CSMD1: variants seen among roughly 807,000 people sequenced by gnomAD.
CSMD1 encodes CUB and sushi domain-containing protein 1.
CSMD1 carries 213 observed loss-of-function variants against 417.5 expected under a neutral mutation model. That is an observed-to-expected ratio of 0.51 (90% CI 0.46 to 0.57). CSMD1 has a LOEUF of 0.57. Among genes scored for constraint, CSMD1 ranks in the 20% least tolerant of loss-of-function variants. CSMD1 has a pLI of 0.00. For missense variants in CSMD1, 6,923 were observed against 4,529.7 expected, an observed-to-expected ratio of 1.53 and a Z score of -15.17; for synonymous variants, 2,862 against 1,736.8, an observed-to-expected ratio of 1.65 and a Z score of -16.11.
intron 3 of CSMD1, among the ~76,000 whole-genome samples, chr8:4,059,103 C>T (rs942589763): frequency 6.6e-6 from 1 of 152,156 alleles, no homozygotes; most frequent in Non-Finnish European, 1.5e-5. Context: ...TCTCAGACCA[C>T]AGTGCAATCA....
At chr8:4,291,169 T>C (rs530693136) in intron 3 of CSMD1, among the ~76,000 whole-genome samples, 94 of 152,238 alleles carry the variant, frequency 6.2e-4, no homozygotes, top group African/African-American at 2.2e-3. Context: ...TATATTCTCT[T>C]TAGTGTTGCA....
intron 1 of CSMD1, among the ~76,000 whole-genome samples, chr8:4,783,974 G>A (rs1314616998): frequency 6.6e-6 from 1 of 152,206 alleles, no homozygotes; most frequent in Non-Finnish European, 1.5e-5. Flanking sequence ...CAGATTGGAT[G>A]AGGTGCATGG....
chr8:4,327,976 T>C (rs916926658), intron 3 of CSMD1, among the ~76,000 whole-genome samples: 3 of 152,194 alleles, frequency 2.0e-5, no homozygotes, highest in Non-Finnish European at 4.4e-5. Context: ...AAATTCTTGT[T>C]TTAACATTTA....
At chr8:3,316,445 A>C (rs1805766901) in intron 23 of CSMD1, among the ~76,000 whole-genome samples, 1 of 152,176 alleles carries the variant, frequency 6.6e-6, no homozygotes, top group African/African-American at 2.4e-5. Context: ...CTTATAAAAC[A>C]ACACGATGAA....
intron 1 of CSMD1, among the ~76,000 whole-genome samples, chr8:4,805,268 T>C (rs1401724510): frequency 6.6e-5 from 10 of 152,242 alleles, no homozygotes; most frequent in Admixed American, 3.3e-4. Flanking sequence ...CTTTCATGGA[T>C]GTATTTAGTA....
At chr8:4,095,656 A>T (rs1054306266) in intron 3 of CSMD1, among the ~76,000 whole-genome samples, 9 of 152,206 alleles carry the variant, frequency 5.9e-5, no homozygotes, top group South Asian at 4.1e-4. Flanking sequence ...TCCACATTCA[A>T]CAACTGAGGG....
intron 3 of CSMD1, among the ~76,000 whole-genome samples, chr8:4,269,101 G>C (rs1804406317): frequency 6.6e-6 from 1 of 152,154 alleles, no homozygotes; most frequent in Non-Finnish European, 1.5e-5. Flanking sequence ...TTGTCGCCCA[G>C]GCTGGAGTGC....
At chr8:4,451,109 C>A (rs138321347) in intron 2 of CSMD1, among the ~76,000 whole-genome samples, 2 of 152,144 alleles carry the variant, frequency 1.3e-5, no homozygotes, top group African/African-American at 2.4e-5. Flanking sequence ...GAGGATTACT[C>A]CTGAGTTCAA....
At chr8:3,873,234 T>A (rs1805600926) in intron 5 of CSMD1, among the ~76,000 whole-genome samples, 2 of 152,176 alleles carry the variant, frequency 1.3e-5, no homozygotes, top group East Asian at 3.9e-4. Context: ...AATCATTCTA[T>A]CATAAAGACA....
chr8:3,294,239 G>GA (rs999551035), intron 25 of CSMD1, among the ~76,000 whole-genome samples: 1 of 152,050 alleles, frequency 6.6e-6, no homozygotes, highest in Non-Finnish European at 1.5e-5. Flanking sequence ...CCCTACTGGG[G>GA]GGTGCCTCCC....
chr8:4,699,328 C>T (rs902734198), intron 1 of CSMD1, among the ~76,000 whole-genome samples: 1 of 152,188 alleles, frequency 6.6e-6, no homozygotes, highest in Non-Finnish European at 1.5e-5. Flanking sequence ...TCTCTTAATA[C>T]TGCATAAGAA....
At chr8:2,959,346 G>A (rs936957277) in intron 62 of CSMD1, among the ~76,000 whole-genome samples, 9 of 152,260 alleles carry the variant, frequency 5.9e-5, no homozygotes, top group Middle Eastern at 3.4e-3. Context: ...CGATTCTTCT[G>A]CCTGGGCCTC....
At chr8:3,773,938 T>C (rs1003726217) in intron 5 of CSMD1, among the ~76,000 whole-genome samples, 5 of 152,172 alleles carry the variant, frequency 3.3e-5, no homozygotes, top group South Asian at 4.1e-4. Context: ...TTGCATGACA[T>C]TGCACAGCTA....
chr8:3,601,009 G>A (rs1334287279), intron 8 of CSMD1, among the ~76,000 whole-genome samples: 1 of 152,146 alleles, frequency 6.6e-6, no homozygotes, highest in Non-Finnish European at 1.5e-5. Flanking sequence ...ATCTCTATGT[G>A]CAAGAATCAG....
intron 39 of CSMD1, among the ~76,000 whole-genome samples, chr8:3,156,653 G>A (rs1247019558): frequency 6.6e-6 from 1 of 152,064 alleles, no homozygotes. Flanking sequence ...ATATTTTAAT[G>A]CAATATTTGG....
chr8:4,958,189 ACT>A (rs372122078), intron 1 of CSMD1, among the ~76,000 whole-genome samples: 13 of 152,252 alleles, frequency 8.5e-5, no homozygotes, highest in African/African-American at 3.1e-4. Context: ...TGTTTAACAT[ACT>A]CTGTTTCCAC....
intron 3 of CSMD1, among the ~76,000 whole-genome samples, chr8:4,313,604 GTC>G (rs1012908182): frequency 6.6e-6 from 1 of 151,858 alleles, no homozygotes; most frequent in African/African-American, 2.4e-5. Flanking sequence ...AATGTGGACT[GTC>G]TGTTTTAAAC....
intron 26 of CSMD1, among the ~76,000 whole-genome samples, chr8:3,261,949 G>A (rs1470724017): frequency 2.6e-5 from 4 of 151,826 alleles, no homozygotes; most frequent in Non-Finnish European, 4.4e-5. Flanking sequence ...ATGTCAACGC[G>A]TGGGCTGTGA....
chr8:3,813,372 T>C (rs74600301), intron 5 of CSMD1, among the ~76,000 whole-genome samples: 2 of 152,132 alleles, frequency 1.3e-5, no homozygotes, highest in African/African-American at 2.4e-5. Flanking sequence ...GTGAAGTAAA[T>C]AAACAGTCTA....
Sources: gnomAD v4.1 joint callset for allele counts (sites outside exome capture counted in the v4.1 genomes callset) on GRCh38, gnomAD v4.1.1 for gene constraint, MANE v1.5 for transcripts, NCBI Gene and HGNC (gene_info 2026-07-23, HGNC 2026-07-21) for gene names.